The following TRDN variants were observed in gnomAD, a reference collection of about 807,000 sequenced individuals.
TRDN encodes triadin in skeletal muscle.
In TRDN, 161 loss-of-function variants were observed where a neutral mutation model predicts 149.7. That is an observed-to-expected ratio of 1.08 (90% CI 0.95 to 1.23). The LOEUF (loss-of-function observed/expected upper bound fraction) is 1.23. TRDN is among the 50% of genes most tolerant of loss of function. The pLI is 0.00. For synonymous variants in TRDN, 294 were observed against 250.5 expected (o/e 1.17, Z -1.64); for missense variants, 896 against 823.5 (o/e 1.09, Z -1.08).
intron 4 of TRDN, among the ~76,000 whole-genome samples, chr6:123,541,648 G>A (rs1380594495): frequency 6.6e-6 from 1 of 152,132 alleles, no homozygotes; most frequent in African/African-American, 2.4e-5. Context: ...CAGTTATGGA[G>A]ATGAGCTTTG....
chr6:123,261,745 T>C (rs1450147348), intron 33 of TRDN, among the ~76,000 whole-genome samples: 1 of 151,906 alleles, frequency 6.6e-6, no homozygotes, highest in Admixed American at 6.6e-5. Context: ...AAAAATATAG[T>C]ACTTTAAAAT....
intron 27 of TRDN, 35 bp from the exon 28 acceptor site, chr6:123,273,398 C>T: frequency 2.2e-6 from 2 of 899,060 alleles, no homozygotes; most frequent in Non-Finnish European, 3.0e-6. Context: ...GATTAAATTA[C>T]CTGCAAAATG....
chr6:123,329,400 A>G (rs2114723044), intron 23 of TRDN, among the ~76,000 whole-genome samples: 1 of 152,308 alleles, frequency 6.6e-6, no homozygotes, highest in East Asian at 1.9e-4. Context: ...AAGAAGTGTT[A>G]AAACTTTAAC....
chr6:123,458,364 A>G (rs1359260790), intron 10 of TRDN, among the ~76,000 whole-genome samples: 1 of 152,244 alleles, frequency 6.6e-6, no homozygotes, highest in Admixed American at 6.5e-5. Context: ...TCACATTTAA[A>G]TCATAGACTT....
At chr6:123,347,726 C>A (rs1402624987) in intron 21 of TRDN, among the ~76,000 whole-genome samples, 1 of 151,948 alleles carries the variant, frequency 6.6e-6, no homozygotes, top group Non-Finnish European at 1.5e-5. Flanking sequence ...ACATGTCTTA[C>A]AAGTGAGAAT....
At chr6:123,275,650 T>A (rs1488577708) in intron 26 of TRDN, among the ~76,000 whole-genome samples, 1 of 152,066 alleles carries the variant, frequency 6.6e-6, no homozygotes, top group Non-Finnish European at 1.5e-5. Context: ...GTAAAAGTGG[T>A]TTTGAAATTG....
intron 1 of TRDN, among the ~76,000 whole-genome samples, chr6:123,595,851 G>A (rs1784012437): frequency 6.6e-6 from 1 of 151,964 alleles, no homozygotes; most frequent in African/African-American, 2.4e-5. Context: ...TCCATTAACT[G>A]GCCATCTCTA....
chr6:123,586,249 G>A (rs949167553), intron 1 of TRDN, among the ~76,000 whole-genome samples: 2 of 152,150 alleles, frequency 1.3e-5, no homozygotes, highest in African/African-American at 4.8e-5. Flanking sequence ...GAAACTGTAA[G>A]CCGGACCGGG....
intron 1 of TRDN, among the ~76,000 whole-genome samples, chr6:123,600,926 C>CA (rs1413896388): frequency 1.3e-5 from 2 of 151,752 alleles, no homozygotes; most frequent in Admixed American, 6.6e-5. Flanking sequence ...GTTTTAAAAA[C>CA]AAAAAAATTA....
intron 8 of TRDN, chr6:123,502,851 C>A: frequency 1.0e-6 from 1 of 985,102 alleles, no homozygotes; most frequent in Non-Finnish European, 1.2e-6. Flanking sequence ...ATGTTAGATC[C>A]CCGTATTCTG....
Position 123,297,927 on chromosome 6 carries a change from T to C in TRDN, c.1510+18530A>G, listed in dbSNP as rs1190644976. Among the ~76,000 whole-genome samples the C allele has an allele frequency of 1.4e-4, 21 of 152,048 alleles. No homozygotes were observed. The South Asian group carries it at 3.7e-3, about 27-fold the overall frequency. On this transcript the variant is annotated intron_variant, in intron 24 of 40. Coordinates refer to ENST00000334268, the MANE Select transcript of TRDN (RefSeq NM_006073.4). Reference sequence around the variant, plus strand: ...TCCACACATTTCCTATATTAGTAAATGATACCATACTTCACCTACTCTTCC... The same window carrying C: ...TCCACACATTTCCTATATTAGTAAACGATACCATACTTCACCTACTCTTCC...
chr6:123,380,168 C>A (rs1380089801), intron 16 of TRDN, among the ~76,000 whole-genome samples: 2 of 152,144 alleles, frequency 1.3e-5, no homozygotes, highest in African/African-American at 4.8e-5. Flanking sequence ...ATCTGAGGAC[C>A]TTCTCAAGGA....
At chr6:123,375,713 A>G in intron 18 of TRDN, 82 bp from the exon 19 acceptor site, 2 of 1,143,142 alleles carry the variant, frequency 1.7e-6, no homozygotes, top group Non-Finnish European at 2.4e-6. Context: ...AGGTTATCTT[A>G]ATTGTTTAAA....
rs1562348698 is a variant in TRDN at position 123,499,718 on chromosome 6, A to AT, written c.794-2467_794-2466insA. Among the ~76,000 whole-genome samples, 443 of 109,594 alleles carry AT rather than the reference A, an allele frequency of 4.0e-3. 3 individuals carry two copies. The highest frequency in any genetic ancestry group is 0.012 in the African/African-American group (364 of 29,340). 71.9% of individuals were successfully genotyped at this position (109,594 alleles called of 152,430 possible). A position where few individuals can be genotyped will look rare whatever the true frequency, so the allele number is the denominator to read the frequency against. ...GATTCTGGCTCAAAAAAAAAAAAAA[A>AT]AATATATATATATATATATATATAT... On this transcript the variant is annotated intron_variant, in intron 8 of 40. Coordinates refer to ENST00000334268, the MANE Select transcript of TRDN (RefSeq NM_006073.4).
At chr6:123,340,492 T>C (rs1227831164) in intron 21 of TRDN, among the ~76,000 whole-genome samples, 2 of 151,982 alleles carry the variant, frequency 1.3e-5, no homozygotes, top group Admixed American at 6.6e-5. Context: ...GAAAGTGAAA[T>C]TGGAAAGTGT....
intron 2 of TRDN, among the ~76,000 whole-genome samples, chr6:123,561,500 C>A (rs1441718190): frequency 1.3e-5 from 2 of 152,070 alleles, no homozygotes; most frequent in Non-Finnish European, 2.9e-5. Flanking sequence ...CAGACACCAG[C>A]CCAACTTGAA....
At chr6:123,436,822 T>G (rs903484846) in intron 12 of TRDN, among the ~76,000 whole-genome samples, 5 of 152,094 alleles carry the variant, frequency 3.3e-5, no homozygotes. Flanking sequence ...AAGTTCTTAA[T>G]AGCTGAGAGG....
intron 12 of TRDN, among the ~76,000 whole-genome samples, chr6:123,433,588 A>T (rs553098282): frequency 6.6e-4 from 101 of 152,244 alleles, no homozygotes; most frequent in Middle Eastern, 3.4e-3. Flanking sequence ...CAGAAAAGCT[A>T]TGTGGTTTTA....
At position 123,503,108 on chromosome 6, in the gene TRDN, C is replaced by A. The variant is rs9401676; in HGVS notation, c.793+611G>T. The stretch of plus-strand genomic sequence containing the variant: ...TGACATCACTCTTGCTGAAGAATGG[C>A]GAAATATGTCACATTCAGAGCTTTC... On this transcript the variant is annotated intron_variant, in intron 8 of 40. Coordinates refer to ENST00000334268, the MANE Select transcript of TRDN (RefSeq NM_006073.4). 117,832 of 984,942 alleles carry A rather than the reference C, an allele frequency of 0.12. 8,287 individuals carry two copies. The highest frequency in any genetic ancestry group is 0.49 in the East Asian group (4,322 of 8,770). The allele number at this position is 984,942 out of a possible 1,614,324, so 61.0% of individuals were successfully genotyped here.
Sources: gnomAD v4.1 joint callset for allele counts (sites outside exome capture counted in the v4.1 genomes callset) on GRCh38, gnomAD v4.1.1 for gene constraint, MANE v1.5 for transcripts, NCBI Gene and HGNC (gene_info 2026-07-23, HGNC 2026-07-21) for gene names.